FRAS1: variants seen among roughly 807,000 people sequenced by gnomAD.
FRAS1 encodes the protein Fraser extracellular matrix complex subunit 1, also known as extracellular matrix organizing protein FRAS1.
Under a neutral mutation model 435.2 loss-of-function variants are expected in FRAS1, and 290 were observed. That is an observed-to-expected ratio of 0.67 (90% CI 0.61 to 0.73). FRAS1 has a LOEUF of 0.73. Ranked by LOEUF, FRAS1 falls within the 30% of genes least tolerant of loss-of-function variation. The pLI is 0.00. For missense variants in FRAS1, 4,860 were observed against 5,001.5 expected (o/e 0.97, Z 0.85); for synonymous variants, 1,800 against 1,851.0 (o/e 0.97, Z 0.71).
intron 13 of FRAS1, 160 bp from the exon 14 acceptor site, chr4:78,286,245 T>A: frequency 1.3e-6 from 1 of 788,600 alleles, no homozygotes; most frequent in East Asian, 2.5e-5. Context: ...TGACATGAAC[T>A]GTGTGCTATA....
At chr4:78,509,030 G>A in intron 63 of FRAS1, 24 bp downstream of exon 63, 2 of 1,612,904 alleles carry the variant, frequency 1.2e-6, no homozygotes, top group Non-Finnish European at 1.7e-6. Flanking sequence ...TCTGGGCCTG[G>A]TTCTCCCTCC....
intron 2 of FRAS1, among the ~76,000 whole-genome samples, chr4:78,097,657 A>C (rs555254466): frequency 5.8e-5 from 8 of 137,918 alleles, no homozygotes; most frequent in Non-Finnish European, 1.3e-4. Context: ...AGACTTATTC[A>C]CTATCATAGA....
chr4:78,199,052 T>C (rs897724031), intron 2 of FRAS1, among the ~76,000 whole-genome samples: 1 of 152,218 alleles, frequency 6.6e-6, no homozygotes, highest in African/African-American at 2.4e-5. Flanking sequence ...CCCTAACTGC[T>C]GTGTTGTTCG....
intron 2 of FRAS1, among the ~76,000 whole-genome samples, chr4:78,171,714 C>T (rs1347067077): frequency 1.3e-5 from 2 of 152,142 alleles, no homozygotes; most frequent in African/African-American, 4.8e-5. Context: ...TTAGCACCTG[C>T]TATGAAGCCA....
At chr4:78,531,658 T>C (rs994331311) in intron 70 of FRAS1, among the ~76,000 whole-genome samples, 3 of 152,188 alleles carry the variant, frequency 2.0e-5, no homozygotes, top group African/African-American at 7.2e-5. Flanking sequence ...GACCTTTCTG[T>C]CCTGTTGGAG....
chr4:78,393,022 T>TA (rs1732513321), intron 29 of FRAS1, among the ~76,000 whole-genome samples: 3 of 150,912 alleles, frequency 2.0e-5, no homozygotes, highest in African/African-American at 7.3e-5. Flanking sequence ...TTTTTTTTTT[T>TA]TAAAAAAAAC....
At chr4:78,338,213 G>C (rs1730254149) in intron 20 of FRAS1, among the ~76,000 whole-genome samples, 1 of 151,834 alleles carries the variant, frequency 6.6e-6, no homozygotes, top group Admixed American at 6.6e-5. Flanking sequence ...ATCAGCCCCA[G>C]ACACAAAATT....
At chr4:78,243,365 T>C (rs1007329347) in intron 3 of FRAS1, among the ~76,000 whole-genome samples, 6 of 152,020 alleles carry the variant, frequency 3.9e-5, no homozygotes, top group African/African-American at 1.5e-4. Context: ...GCAAGTAATC[T>C]TGCCCCCAGC....
At chr4:78,173,679 C>G (rs554022219) in intron 2 of FRAS1, among the ~76,000 whole-genome samples, 1 of 152,196 alleles carries the variant, frequency 6.6e-6, no homozygotes, top group African/African-American at 2.4e-5. Context: ...ACTCAACTCA[C>G]GTCTTTCTAT....
At chr4:78,535,386 C>A (rs528623957) in intron 71 of FRAS1, among the ~76,000 whole-genome samples, 2 of 152,310 alleles carry the variant, frequency 1.3e-5, no homozygotes, top group Admixed American at 1.3e-4. Context: ...AGCCTCATTT[C>A]TATGTTTCCA....
intron 2 of FRAS1, among the ~76,000 whole-genome samples, chr4:78,188,720 T>C (rs1722397457): frequency 6.6e-6 from 1 of 152,046 alleles, no homozygotes; most frequent in African/African-American, 2.4e-5. Flanking sequence ...CACATAAGGG[T>C]TTTTGCACAT....
chr4:78,181,627 C>A (rs1486760369), intron 2 of FRAS1: 1 of 1,610,200 alleles, frequency 6.2e-7, no homozygotes, highest in Non-Finnish European at 8.5e-7. Context: ...CTTCAAGTGG[C>A]TTTTCGAATC....
At chr4:78,127,768 C>CT (rs1719449771) in intron 2 of FRAS1, among the ~76,000 whole-genome samples, 1 of 151,508 alleles carries the variant, frequency 6.6e-6, no homozygotes, top group Non-Finnish European at 1.5e-5. Flanking sequence ...TATTATTATA[C>CT]TTTAAGTTTT....
intron 6 of FRAS1, among the ~76,000 whole-genome samples, chr4:78,262,897 A>C (rs1381162565): frequency 4.9e-5 from 2 of 41,160 alleles, no homozygotes; most frequent in Non-Finnish European, 1.3e-4. Context: ...CTTGTGTGCC[A>C]TACAGTTGGA....
chr4:78,177,950 G>T (rs118191937), intron 2 of FRAS1, among the ~76,000 whole-genome samples: 1 of 152,078 alleles, frequency 6.6e-6, no homozygotes, highest in Non-Finnish European at 1.5e-5. Flanking sequence ...CAAACTGGGT[G>T]ACTTAAAAAA....
chr4:78,512,372 G>T (rs554095874), intron 64 of FRAS1, among the ~76,000 whole-genome samples: 95 of 152,158 alleles, frequency 6.2e-4, no homozygotes, highest in Non-Finnish European at 1.2e-3. Flanking sequence ...GTATCTTGGT[G>T]ACCCCTTCCT....
Position 78,446,001 on chromosome 4 carries a change from A to C in FRAS1, c.5856+289A>C, listed in dbSNP as rs1317344808. The C allele has an allele frequency of 2.4e-6, 3 of 1,252,400 alleles. No individual in the cohort carries two copies. In the African/African-American group the frequency reaches 4.6e-5, roughly 19 times the overall value. The allele number at this position is 1,252,400 out of a possible 1,614,324, so 77.6% of individuals were successfully genotyped here. A position where few individuals can be genotyped will look rare whatever the true frequency, so the allele number is the denominator to read the frequency against. On this transcript the variant is annotated intron_variant, in intron 42 of 73. Coordinates refer to ENST00000512123, the MANE Select transcript of FRAS1 (RefSeq NM_025074.7). ...CTTTGCCAGTCTCATATATAAATGA[A>C]AACTTACATATGTCTATGTTTCTCT...
chr4:78,334,410 CA>C (rs1212702545), intron 19 of FRAS1, among the ~76,000 whole-genome samples: 1 of 118,226 alleles, frequency 8.5e-6, no homozygotes, highest in Non-Finnish European at 1.6e-5. Context: ...CTTGCTCCGT[CA>C]CCAGGCTGGA....
Position 78,496,935 on chromosome 4 carries a change from C to A in FRAS1, c.9089C>A (p.Thr3030Asn). The change falls in exon 60 of 74, where the codon ACC (threonine) becomes AAC (asparagine). Residue 3030 changes from threonine (T) to asparagine (N), a missense_variant. Physicochemically the swap from Thr to Asn is moderately conservative, Grantham distance 65. Transcript: ENST00000512123. The stretch of plus-strand genomic sequence containing the variant: ...AGAATTGGAAAGAATAACATGGCCA[C>A]CATCACCATATCCAATGATGAAGAT... The part of the protein sequence containing the change: ...GARIGKNNMA[T>N]ITISNDEDAP... 1.2e-6 allele frequency: 2 copies of A among 1,613,402 alleles called. No homozygotes were observed. Among genetic ancestry groups the A allele is most frequent in the Non-Finnish European group, 1.7e-6 (2 of 1,179,524 alleles).
Sources: allele counts gnomAD v4.1 joint callset (sites outside exome capture counted in the v4.1 genomes callset), GRCh38; gene constraint gnomAD v4.1.1; transcripts MANE v1.5; gene names NCBI Gene and HGNC (gene_info 2026-07-23, HGNC 2026-07-21).